Variants in FRMPD4 observed in about 807,000 individuals in gnomAD.
FRMPD4 encodes FERM and PDZ domain containing 4.
Under a neutral mutation model 94.1 loss-of-function variants are expected in FRMPD4, and 22 were observed. The ratio of observed to expected loss-of-function variants is 0.23; its 90% CI spans 0.17 to 0.33. The LOEUF (loss-of-function observed/expected upper bound fraction) is 0.33. Among genes scored for constraint, FRMPD4 ranks in the 10% least tolerant of loss-of-function variants. FRMPD4 has a pLI of 1.00. For synonymous variants in FRMPD4, 631 were observed against 548.6 expected, an observed-to-expected ratio of 1.15 and a Z score of -2.10; for missense variants, 1,111 against 1,339.9, an observed-to-expected ratio of 0.83 and a Z score of 2.67.
rs2054417497 is a variant in FRMPD4 at position 12,275,165 on chromosome X, C to T, written c.41+136153C>T. 2.7e-5 allele frequency among the ~76,000 whole-genome samples: 3 copies of T among 111,396 alleles called. No individual in the cohort carries two copies. In the Admixed American group the frequency reaches 2.8e-4, roughly 11 times the overall value. ...GTGTTTGGATCATGGGGGTGAATCC[C>T]TCATGGCTTGGTGCTGTCTTTGAGA... On this transcript the variant is annotated intron_variant, in intron 1 of 16. Coordinates refer to ENST00000675598, the MANE Select transcript of FRMPD4 (RefSeq NM_001368397.1).
intron 3 of FRMPD4, among the ~76,000 whole-genome samples, chrX:12,056,104 T>C (rs1188580608): frequency 8.9e-6 from 1 of 112,227 alleles, no homozygotes; most frequent in African/African-American, 3.2e-5. Context: ...ACTAAAAATT[T>C]GTACATAATA....
intron 3 of FRMPD4, among the ~76,000 whole-genome samples, chrX:12,011,474 G>C (rs1040372098): frequency 8.9e-6 from 1 of 111,957 alleles, no homozygotes; most frequent in African/African-American, 3.3e-5. Flanking sequence ...CTTGTGTCTA[G>C]TGGCCACAGT....
At chrX:12,554,919 A>G (rs1346631234) in intron 2 of FRMPD4, among the ~76,000 whole-genome samples, 1 of 111,203 alleles carries the variant, frequency 9.0e-6, no homozygotes, top group East Asian at 2.8e-4. Context: ...CTGGTCATGT[A>G]TGTCTTCTTG....
intron 1 of FRMPD4, among the ~76,000 whole-genome samples, chrX:12,179,318 G>A (rs999919042): frequency 5.4e-5 from 6 of 110,974 alleles, no homozygotes; most frequent in African/African-American, 1.6e-4. Context: ...CCCAGGTCTC[G>A]GGGTGGGGAA....
chrX:12,176,981 G>A (rs1033696833), intron 1 of FRMPD4, among the ~76,000 whole-genome samples: 1 of 111,508 alleles, frequency 9.0e-6, no homozygotes, highest in Admixed American at 9.5e-5. Context: ...GTGACATTTC[G>A]TTTTCTGTGG....
At chrX:11,891,488 A>G (rs949998137) in intron 3 of FRMPD4, among the ~76,000 whole-genome samples, 3 of 112,664 alleles carry the variant, frequency 2.7e-5, no homozygotes, top group Non-Finnish European at 5.6e-5. Context: ...AAGCTGGAGA[A>G]TCATTCCACA....
chrX:12,009,157 C>A (rs2054569033), intron 3 of FRMPD4, among the ~76,000 whole-genome samples: 1 of 112,021 alleles, frequency 8.9e-6, no homozygotes, highest in East Asian at 2.8e-4. Context: ...TCTCACCACA[C>A]ACAAAAAGGA....
At chrX:12,119,514 C>A (rs1421525939) in intron 3 of FRMPD4, among the ~76,000 whole-genome samples, 2 of 111,473 alleles carry the variant, frequency 1.8e-5, no homozygotes, top group Non-Finnish European at 3.8e-5. Context: ...CTTGGGACTG[C>A]AAATTTTAAA....
At chrX:12,097,160 G>T (rs1036808791) in intron 3 of FRMPD4, among the ~76,000 whole-genome samples, 5 of 111,983 alleles carry the variant, frequency 4.5e-5, no homozygotes, top group African/African-American at 1.6e-4. Context: ...TATCATAGCA[G>T]CAATAGAATC....
At chrX:12,161,579 T>C (rs1338773787) in intron 1 of FRMPD4, among the ~76,000 whole-genome samples, 1 of 111,446 alleles carries the variant, frequency 9.0e-6, no homozygotes, top group African/African-American at 3.3e-5. Context: ...ACACTGAGGG[T>C]CAGAAAAGAT....
chrX:11,855,546 G>A (rs899244523), intron 1 of FRMPD4, among the ~76,000 whole-genome samples: 10 of 111,897 alleles, frequency 8.9e-5, no homozygotes, highest in East Asian at 2.8e-4. Flanking sequence ...ATCATCTCTC[G>A]CAAGTTCAAA....
chrX:12,254,641 C>T (rs1212573230), intron 1 of FRMPD4, among the ~76,000 whole-genome samples: 1 of 112,147 alleles, frequency 8.9e-6, no homozygotes, highest in Non-Finnish European at 1.9e-5. Context: ...TCTGTCTGTT[C>T]TTCTACATTG....
intron 1 of FRMPD4, among the ~76,000 whole-genome samples, chrX:12,266,726 A>G (rs779397882): frequency 1.8e-5 from 2 of 111,613 alleles, no homozygotes; most frequent in African/African-American, 6.5e-5. Flanking sequence ...CAGAGGAGGT[A>G]TGGTACATGC....
chrX:12,701,660 G>A lies in FRMPD4; in HGVS notation c.934-214G>A, dbSNP rs182822865. On this transcript the variant is annotated intron_variant, in intron 9 of 16. Transcript: ENST00000675598. The stretch of plus-strand genomic sequence containing the variant: ...AATATTTAAATAGCAGCTCGTCGAT[G>A]AATGCTAAATGTTTTGTGTGGTCTC... 1.4e-4 allele frequency among the ~76,000 whole-genome samples: 16 copies of A among 112,620 alleles called. No homozygotes were observed. The East Asian group carries it at 4.4e-3, about 31-fold the overall frequency.
chrX:11,944,159 G>A (rs2054176827), intron 3 of FRMPD4, among the ~76,000 whole-genome samples: 1 of 112,071 alleles, frequency 8.9e-6, no homozygotes, highest in African/African-American at 3.2e-5. Context: ...TTTTGTTGCT[G>A]TCATTTGTCC....
At position 12,064,186 on chromosome X, in the gene FRMPD4, A is replaced by G. The variant is rs1044713457; in HGVS notation, c.95+186168A>G. Among the ~76,000 whole-genome samples the G allele has an allele frequency of 3.6e-5, 4 of 112,570 alleles. 1 individual carries two copies. The highest frequency in any genetic ancestry group is 7.5e-5 in the Non-Finnish European group (4 of 53,319). On this transcript the variant is annotated intron_variant, in intron 3 of 18. Transcript: ENST00000640291. ...CACGGAATTGTTTGTGGCAAACCATATTATTTTTTGACCACTACTTATTCC... is the reference window on the plus strand; with the variant it reads ...CACGGAATTGTTTGTGGCAAACCATGTTATTTTTTGACCACTACTTATTCC...
intron 1 of FRMPD4, among the ~76,000 whole-genome samples, chrX:12,180,275 A>G (rs2056343523): frequency 8.9e-6 from 1 of 112,321 alleles, no homozygotes; most frequent in South Asian, 3.7e-4. Context: ...AGTAGTTATC[A>G]TCTTGGACAC....
At chrX:12,146,319 G>C (rs929356279) in intron 1 of FRMPD4, among the ~76,000 whole-genome samples, 7 of 109,879 alleles carry the variant, frequency 6.4e-5, no homozygotes, top group African/African-American at 9.9e-5. Flanking sequence ...AGCTGAGATT[G>C]CGCCACTGTG....
intron 1 of FRMPD4, among the ~76,000 whole-genome samples, chrX:12,415,980 C>CA (rs1349702878): frequency 8.9e-6 from 1 of 112,178 alleles, no homozygotes; most frequent in Non-Finnish European, 1.9e-5. Context: ...CTTTGGGCAG[C>CA]ACATAAGATA....
Sources: gnomAD v4.1 joint callset for allele counts (sites outside exome capture counted in the v4.1 genomes callset) on GRCh38, gnomAD v4.1.1 for gene constraint, MANE v1.5 for transcripts, NCBI Gene and HGNC (gene_info 2026-07-23, HGNC 2026-07-21) for gene names.